The following EPB41L4A variants were observed in gnomAD, a reference collection of about 807,000 sequenced individuals.
EPB41L4A encodes the protein erythrocyte membrane protein band 4.1 like 4A.
In EPB41L4A, 100 loss-of-function variants were observed where a neutral mutation model predicts 108.6. The ratio of observed to expected loss-of-function variants is 0.92; its 90% CI spans 0.78 to 1.09. EPB41L4A has a LOEUF of 1.09. EPB41L4A is among the 50% of genes least tolerant of loss of function. The pLI, the probability that EPB41L4A is intolerant of heterozygous loss-of-function variation, is 0.00. For synonymous variants in EPB41L4A, 319 were observed against 289.0 expected, an observed-to-expected ratio of 1.10 and a Z score of -1.05; for missense variants, 1,030 against 842.7, an observed-to-expected ratio of 1.22 and a Z score of -2.75.
At chr5:112,207,550 C>G (rs576907200) in intron 13 of EPB41L4A, among the ~76,000 whole-genome samples, 3 of 152,158 alleles carry the variant, frequency 2.0e-5, no homozygotes, top group Non-Finnish European at 4.4e-5. Context: ...TATCCAGAAT[C>G]TATAAGGAAC....
chr5:112,284,453 T>C (rs564294477), intron 2 of EPB41L4A, among the ~76,000 whole-genome samples: 1 of 152,030 alleles, frequency 6.6e-6, no homozygotes, highest in African/African-American at 2.4e-5. Context: ...CGAGGAGAAA[T>C]AGCCCTATCT....
chr5:112,295,004 A>T (rs969222124), intron 2 of EPB41L4A, among the ~76,000 whole-genome samples: 2 of 152,236 alleles, frequency 1.3e-5, no homozygotes, highest in Non-Finnish European at 2.9e-5. Context: ...CAGTCAAAAA[A>T]GCTTTTATAG....
chr5:112,166,547 C>G (rs1313224256), intron 22 of EPB41L4A, among the ~76,000 whole-genome samples: 1 of 149,740 alleles, frequency 6.7e-6, no homozygotes, highest in Non-Finnish European at 1.5e-5. Context: ...CCTCACCTGC[C>G]AGGTCTCAGC....
chr5:112,329,481 G>A lies in EPB41L4A; in HGVS notation c.100-21991C>T, dbSNP rs77711921. Among the ~76,000 whole-genome samples, 843 of 152,158 alleles carry A rather than the reference G, an allele frequency of 5.5e-3. 11 individuals carry two copies. Among genetic ancestry groups the A allele is most frequent in the African/African-American group, 0.02 (823 of 41,494 alleles). ...TCCTGGCTCTGCTATTAACTAGCTG[G>A]GTGACCTGGAACTGCCACTTAATCT... On this transcript the variant is annotated intron_variant, in intron 1 of 22. Transcript: ENST00000261486.
chr5:112,313,707 G>A (rs1755197559), intron 1 of EPB41L4A, among the ~76,000 whole-genome samples: 1 of 151,758 alleles, frequency 6.6e-6, no homozygotes, highest in African/African-American at 2.4e-5. Flanking sequence ...TTTTTGCTGT[G>A]GAGGCAGTTT....
chr5:112,231,762 G>A (rs528987110), intron 12 of EPB41L4A, among the ~76,000 whole-genome samples: 10 of 127,448 alleles, frequency 7.8e-5, no homozygotes, highest in Non-Finnish European at 1.1e-4. Flanking sequence ...TCCGCAGTCC[G>A]GCCTGGGCGA....
chr5:112,274,026 C>G (rs780630284), intron 4 of EPB41L4A, among the ~76,000 whole-genome samples: 6 of 151,994 alleles, frequency 3.9e-5, no homozygotes, highest in Non-Finnish European at 8.8e-5. Flanking sequence ...CAGTGACTCA[C>G]GCTGGTAATC....
intron 18 of EPB41L4A, among the ~76,000 whole-genome samples, chr5:112,176,323 A>C (rs997342786): frequency 2.6e-5 from 4 of 152,214 alleles, no homozygotes; most frequent in Admixed American, 6.5e-5. Flanking sequence ...CAAATAAAGG[A>C]CAGAGCTCAG....
intron 1 of EPB41L4A, among the ~76,000 whole-genome samples, chr5:112,391,856 A>C (rs1760966007): frequency 6.6e-6 from 1 of 152,136 alleles, no homozygotes; most frequent in Non-Finnish European, 1.5e-5. Flanking sequence ...ACAAAGGCCC[A>C]TCAGACTAAC....
chr5:112,228,585 T>C, intron 12 of EPB41L4A: 4 of 359,058 alleles, frequency 1.1e-5, no homozygotes, highest in Non-Finnish European at 1.6e-5. Flanking sequence ...AAGCCTTGTG[T>C]ATCCATCCCA....
At chr5:112,199,557 C>T (rs1009088181) in intron 15 of EPB41L4A, among the ~76,000 whole-genome samples, 3 of 152,118 alleles carry the variant, frequency 2.0e-5, no homozygotes, top group African/African-American at 4.8e-5. Context: ...GATTATATTT[C>T]GGTCCATAAA....
intron 11 of EPB41L4A, among the ~76,000 whole-genome samples, chr5:112,237,323 C>T (rs1222903070): frequency 6.6e-6 from 1 of 152,166 alleles, no homozygotes; most frequent in East Asian, 1.9e-4. Context: ...TCCCATATCA[C>T]TAAAAAAAGT....
At chr5:112,412,179 C>T (rs1318673019) in intron 1 of EPB41L4A, among the ~76,000 whole-genome samples, 3 of 152,184 alleles carry the variant, frequency 2.0e-5, no homozygotes, top group East Asian at 1.9e-4. Flanking sequence ...TGTGAGCTAT[C>T]GCTCAGCACT....
intron 2 of EPB41L4A, among the ~76,000 whole-genome samples, chr5:112,283,011 A>G (rs1449954915): frequency 6.6e-6 from 1 of 152,224 alleles, no homozygotes; most frequent in Non-Finnish European, 1.5e-5. Flanking sequence ...ATATAATGGG[A>G]AAAACTGGTT....
At chr5:112,261,858 C>G (rs927420911) in intron 7 of EPB41L4A, among the ~76,000 whole-genome samples, 1 of 147,180 alleles carries the variant, frequency 6.8e-6, no homozygotes, top group Non-Finnish European at 1.5e-5. Flanking sequence ...CTCCTGTTTT[C>G]TGTCTAATAC....
At chr5:112,252,498 T>C (rs1283485773) in intron 9 of EPB41L4A, among the ~76,000 whole-genome samples, 1 of 152,104 alleles carries the variant, frequency 6.6e-6, no homozygotes, top group African/African-American at 2.4e-5. Flanking sequence ...CCTAAAATGA[T>C]GGGGGCAGAT....
chr5:112,203,275 G>A (rs1379404303), intron 15 of EPB41L4A, among the ~76,000 whole-genome samples: 10 of 151,954 alleles, frequency 6.6e-5, no homozygotes, highest in African/African-American at 1.9e-4. Context: ...AGAATCGCTC[G>A]AACCCAGGGG....
At chr5:112,204,034 C>T (rs1158410882) in intron 15 of EPB41L4A, among the ~76,000 whole-genome samples, 2 of 149,088 alleles carry the variant, frequency 1.3e-5, no homozygotes. Context: ...AGTGAAACTC[C>T]GTCTCAAAAA....
chr5:112,180,958 T>C (rs2150228681), intron 18 of EPB41L4A, among the ~76,000 whole-genome samples: 1 of 152,318 alleles, frequency 6.6e-6, no homozygotes, highest in East Asian at 1.9e-4. Flanking sequence ...AATGTGGTTA[T>C]CATCATTAGC....
Sources: gnomAD v4.1 joint callset for allele counts (sites outside exome capture counted in the v4.1 genomes callset) on GRCh38, gnomAD v4.1.1 for gene constraint, MANE v1.5 for transcripts, NCBI Gene and HGNC (gene_info 2026-07-23, HGNC 2026-07-21) for gene names.